Variants in RARA observed in about 807,000 individuals in gnomAD.
RARA encodes the protein retinoic acid receptor alpha.
RARA carries 5 observed loss-of-function variants against 42.8 expected under a neutral mutation model. The observed-to-expected ratio is 0.12, with a 90% CI of 0.06 to 0.25. The LOEUF is 0.25. Ranked by LOEUF, RARA falls within the 10% of genes least tolerant of loss-of-function variation. RARA has a pLI of 1.00. For synonymous variants in RARA, 256 were observed against 259.5 expected (o/e 0.99, Z 0.13); for missense variants, 402 against 628.7 (o/e 0.64, Z 3.86).
At chr17:40,328,898 C>T (rs2033617568) in intron 1 of RARA, among the ~76,000 whole-genome samples, 1 of 152,140 alleles carries the variant, frequency 6.6e-6, no homozygotes, top group African/African-American at 2.4e-5. Context: ...TTTCTGTGGA[C>T]TTACGTTGTC....
intron 1 of RARA, chr17:40,323,369 G>A (rs891488888): frequency 1.3e-5 from 2 of 152,226 alleles, no homozygotes; most frequent in African/African-American, 4.8e-5. Context: ...CTCATATACA[G>A]TTCTGGAGCC....
At chr17:40,331,807 C>T (rs2033700468) in intron 2 of RARA, among the ~76,000 whole-genome samples, 1 of 152,184 alleles carries the variant, frequency 6.6e-6, no homozygotes, top group Admixed American at 6.5e-5. Flanking sequence ...CTACGCCCCA[C>T]CCCCACTCAG....
intron 6 of RARA, among the ~76,000 whole-genome samples, chr17:40,353,812 G>A (rs931629691): frequency 2.6e-5 from 4 of 152,158 alleles, no homozygotes; most frequent in Non-Finnish European, 5.9e-5. Context: ...TCCCCATGCC[G>A]TGGATGCAGG....
At chr17:40,349,688 A>C (rs1025514985) in intron 3 of RARA, 96 bp from the exon 4 acceptor site, 3 of 1,501,846 alleles carry the variant, frequency 2.0e-6, no homozygotes, top group Non-Finnish European at 2.7e-6. Context: ...TGGGGGCAGC[A>C]GCTGGCCTGG....
Position 40,345,545 on chromosome 17 carries a change from G to A in RARA, c.179-2771G>A, listed in dbSNP as rs2034235967. Among the ~76,000 whole-genome samples, 1 of 152,192 alleles carries A rather than the reference G, an allele frequency of 6.6e-6. No homozygotes were observed. Among genetic ancestry groups the A allele is most frequent in the African/African-American group, 2.4e-5 (1 of 41,404 alleles). On this transcript the variant is annotated intron_variant, in intron 2 of 8. Coordinates refer to ENST00000254066, the MANE Select transcript of RARA (RefSeq NM_000964.4). The surrounding 1 kb of genome is among the most constrained non-coding windows in gnomAD (Gnocchi z 4.8). ...GCGCCGCCCGCCCTGCCAGGATGGG[G>A]AGCGAGGGAGGGGCACCCTGGCAGC...
chr17:40,343,033 C>G, intron 2 of RARA: 1 of 1,366,474 alleles, frequency 7.3e-7, no homozygotes, highest in Non-Finnish European at 9.6e-7. Flanking sequence ...CCGGCCGCAC[C>G]CTCCCCCCAG....
At position 40,354,217 on chromosome 17, in the gene RARA, G is replaced by GGGAGTGCTGGTGC. The variant is rs555475676; in HGVS notation, c.808-71_808-59dup. The GGGAGTGCTGGTGC allele has an allele frequency of 1.5e-6, 2 of 1,329,358 alleles. No individual in the cohort carries two copies. Among genetic ancestry groups the GGGAGTGCTGGTGC allele is most frequent in the Admixed American group, 2.0e-5 (1 of 51,192 alleles). The allele number at this position is 1,329,358 out of a possible 1,614,324, so 82.3% of individuals were successfully genotyped here. On this transcript the variant is annotated intron_variant, in intron 6 of 8. Transcript: ENST00000254066. This position sits in a 1 kb window ranked among gnomAD's most constrained non-coding sequence, Gnocchi z 4.5. ...CCGGCCACCTGCCAGGTGGTCCTCC[G>GGGAGTGCTGGTGC]GGAGTGCTGGTGCGGAGTGCTGGTG...
At chr17:40,323,341 C>T (rs1421948319) in intron 1 of RARA, 1 of 152,288 alleles carries the variant, frequency 6.6e-6, no homozygotes, top group Non-Finnish European at 1.5e-5. Flanking sequence ...CAGGGAACCT[C>T]TGTGCTCCCT....
At chr17:40,339,516 G>GC (rs975557197) in intron 2 of RARA, among the ~76,000 whole-genome samples, 7 of 151,998 alleles carry the variant, frequency 4.6e-5, no homozygotes, top group African/African-American at 1.4e-4. Flanking sequence ...GCTCTGACCT[G>GC]CCCCATGACC....
chr17:40,324,464 G>C (rs1237535642), intron 1 of RARA, among the ~76,000 whole-genome samples: 1 of 152,076 alleles, frequency 6.6e-6, no homozygotes, highest in Non-Finnish European at 1.5e-5. Flanking sequence ...CGGGGGATCT[G>C]GGGTATGGCC....
chr17:40,325,337 C>T (rs2033509804), intron 1 of RARA, among the ~76,000 whole-genome samples: 2 of 151,698 alleles, frequency 1.3e-5, no homozygotes, highest in Non-Finnish European at 2.9e-5. Context: ...CAGCCCAGAC[C>T]CTGGTGAACA....
In RARA at chr17:40,357,062, C is replaced by T. The variant is rs917848162; in HGVS notation, c.*836C>T. On this transcript the variant is annotated 3_prime_UTR_variant, in exon 9 of 9. Coordinates refer to ENST00000254066, the MANE Select transcript of RARA (RefSeq NM_000964.4). Reference sequence around the variant, plus strand: ...CCTCTGCCTGACCACTGGGTGTGGACGGTGTGGGGCAGCCCTGAAAGGACA... The same window carrying T: ...CCTCTGCCTGACCACTGGGTGTGGATGGTGTGGGGCAGCCCTGAAAGGACA... 12 of 356,070 alleles carry T rather than the reference C, an allele frequency of 3.4e-5. No individual in the cohort carries two copies. The highest frequency in any genetic ancestry group is 1.6e-4 in the East Asian group (3 of 19,344). 22.1% of individuals were successfully genotyped at this position (356,070 alleles called of 1,614,324 possible). A position where few individuals can be genotyped will look rare whatever the true frequency, so the allele number is the denominator to read the frequency against.
chr17:40,348,576 C>G, intron 3 of RARA, 112 bp downstream of exon 3: 1 of 1,368,240 alleles, frequency 7.3e-7, no homozygotes, highest in Non-Finnish European at 9.7e-7. Context: ...TGCTGCTCTT[C>G]TTTCTCTGTG....
intron 2 of RARA, among the ~76,000 whole-genome samples, chr17:40,338,212 G>A (rs2033915577): frequency 6.6e-6 from 1 of 152,246 alleles, no homozygotes; most frequent in African/African-American, 2.4e-5. Context: ...TACCAGTGCA[G>A]GCCTGCCTGC....
chr17:40,341,227 C>A, intron 2 of RARA: 2 of 904,692 alleles, frequency 2.2e-6, no homozygotes, highest in Non-Finnish European at 3.1e-6. Flanking sequence ...CAGAGCTGGA[C>A]AGTGCACCAG....
intron 6 of RARA, among the ~76,000 whole-genome samples, chr17:40,353,670 G>A (rs1003565778): frequency 6.6e-5 from 10 of 152,118 alleles, no homozygotes; most frequent in African/African-American, 2.4e-4. Flanking sequence ...TGGCCAGGCC[G>A]GTCTCGAACT....
At chr17:40,312,555 G>A (rs2033117623) in intron 1 of RARA, among the ~76,000 whole-genome samples, 1 of 152,262 alleles carries the variant, frequency 6.6e-6, no homozygotes, top group Non-Finnish European at 1.5e-5. Flanking sequence ...AGGCAGAGGG[G>A]CTGGCCAAGG....
chr17:40,331,309 ATGC>A lies in RARA; in HGVS notation c.94_96del (p.Leu32del). On this transcript the variant is annotated inframe_deletion, in exon 2 of 9. Coordinates refer to ENST00000254066, the MANE Select transcript of RARA (RefSeq NM_000964.4). ...TCCCTACGCCTTCTTCTTCCCCCCTATGCTGGGTGGACTCTCCCCGCCAGGCGC... is the reference window on the plus strand; with the variant it reads ...TCCCTACGCCTTCTTCTTCCCCCCTATGGGTGGACTCTCCCCGCCAGGCGC... 1.2e-6 allele frequency: 2 copies of A among 1,613,656 alleles called. No homozygotes were observed. The highest frequency in any genetic ancestry group is 4.5e-5 in the East Asian group (2 of 44,844).
At chr17:40,341,969 C>T in intron 2 of RARA, 3 of 1,129,376 alleles carry the variant, frequency 2.7e-6, no homozygotes, top group Non-Finnish European at 3.3e-6. Flanking sequence ...CTCCTCTCCT[C>T]CCCCTTCCCA....
Sources: allele counts gnomAD v4.1 joint callset (sites outside exome capture counted in the v4.1 genomes callset), GRCh38; gene constraint gnomAD v4.1.1; non-coding constraint Gnocchi (gnomAD v3.1); transcripts MANE v1.5; gene names NCBI Gene and HGNC (gene_info 2026-07-23, HGNC 2026-07-21).